NCAPD3: variants seen among roughly 807,000 people sequenced by gnomAD.
The protein encoded by NCAPD3 is non-SMC condensin II complex subunit D3, also known as condensin-2 complex subunit D3.
NCAPD3 carries 105 observed loss-of-function variants against 182.9 expected under a neutral mutation model. That is an observed-to-expected ratio of 0.57 (90% CI 0.49 to 0.68). The LOEUF (loss-of-function observed/expected upper bound fraction) is 0.68, where lower values mean the gene tolerates loss of function less well. NCAPD3 is among the 30% of genes least tolerant of loss of function. The pLI, the probability that NCAPD3 is intolerant of heterozygous loss-of-function variation, is 0.00. For missense variants in NCAPD3, 1,944 were observed against 1,837.0 expected, an observed-to-expected ratio of 1.06 and a Z score of -1.07; for synonymous variants, 815 against 679.9, an observed-to-expected ratio of 1.20 and a Z score of -3.09.
intron 27 of NCAPD3, among the ~76,000 whole-genome samples, chr11:134,163,395 T>C (rs111496942): frequency 6.6e-5 from 10 of 152,152 alleles, no homozygotes; most frequent in South Asian, 4.1e-4. Flanking sequence ...AATGATCAAA[T>C]TTGTACTTAA....
chr11:134,223,520 G>T, intron 1 of NCAPD3: 1 of 701,568 alleles, frequency 1.4e-6, no homozygotes, highest in Non-Finnish European at 2.6e-6. Flanking sequence ...TCTGGCGGAA[G>T]AAAGAGATTT....
intron 28 of NCAPD3, among the ~76,000 whole-genome samples, chr11:134,160,351 C>A (rs1274886753): frequency 6.6e-6 from 1 of 152,126 alleles, no homozygotes; most frequent in Non-Finnish European, 1.5e-5. Flanking sequence ...ACTGGCCACA[C>A]AAGCAGAAAA....
intron 18 of NCAPD3, 41 bp from the exon 19 acceptor site, chr11:134,184,793 A>T: frequency 1.3e-6 from 2 of 1,487,464 alleles, no homozygotes; most frequent in Non-Finnish European, 1.9e-6. Flanking sequence ...AACTGCTTAA[A>T]TATATTCAGG....
intron 32 of NCAPD3, among the ~76,000 whole-genome samples, chr11:134,156,184 G>C (rs946007949): frequency 3.3e-5 from 5 of 152,192 alleles, no homozygotes; most frequent in Non-Finnish European, 7.4e-5. Flanking sequence ...TGCCCTCCCA[G>C]AAGTCTCCGG....
intron 1 of NCAPD3, 136 bp from the exon 2 acceptor site, chr11:134,220,862 G>A: frequency 2.7e-6 from 2 of 749,730 alleles, no homozygotes; most frequent in East Asian, 2.7e-5. Context: ...TAATAACATA[G>A]GTGTAGCATA....
chr11:134,171,009 G>C (rs1943994755), intron 24 of NCAPD3, among the ~76,000 whole-genome samples: 1 of 152,154 alleles, frequency 6.6e-6, no homozygotes, highest in South Asian at 2.1e-4. Context: ...TGAAAAGTTA[G>C]GAGAAATTAA....
rs747566194 is a variant in NCAPD3 at position 134,184,971 on chromosome 11, C to T, written c.2267G>A (p.Gly756Glu). 2.4e-5 allele frequency: 39 copies of T among 1,613,770 alleles called. No homozygotes were observed. Among genetic ancestry groups the T allele is most frequent in the Non-Finnish European group, 3.3e-5 (39 of 1,179,774 alleles). Reference sequence around the variant, plus strand: ...ATGCCCAATCACACAGAGAATATGTCCTAAGGTGTTTGAATTGGGATTCTG... The same window carrying T: ...ATGCCCAATCACACAGAGAATATGTTCTAAGGTGTTTGAATTGGGATTCTG... The part of the protein sequence containing the change: ...SQQNPNSNTL[G>E]HILCVIGHIA... Residue 756 changes from glycine (G) to glutamate (E), a missense_variant, in exon 18 of 35, where the codon GGA becomes GAA. Around this residue, in one of 3 missense-constraint regions of NCAPD3, gnomAD observed 1,803 missense variants for 1,674.6 expected, o/e 1.08. Transcript: ENST00000534548.
At position 134,184,892 on chromosome 11, in the gene NCAPD3, C is replaced by G. The variant is rs759104638; in HGVS notation, c.2335+11G>C. 1.3e-4 allele frequency: 214 copies of G among 1,597,066 alleles called. No homozygotes were observed. Among genetic ancestry groups the G allele is most frequent in the Middle Eastern group, 1.0e-3 (6 of 6,028 alleles). On this transcript the variant is annotated intron_variant, in intron 18 of 34. Transcript: ENST00000534548. ...TGCATTTTCACATAAGATTCTCCAG[C>G]AGACACTCACCAGTCACTTTGTCCC...
chr11:134,211,017 T>C (rs1018790053), intron 3 of NCAPD3, among the ~76,000 whole-genome samples: 2 of 152,128 alleles, frequency 1.3e-5, no homozygotes, highest in African/African-American at 4.8e-5. Context: ...AGGGTAAAAT[T>C]CTAAGACAGA....
chr11:134,213,318 T>C (rs1937907446), intron 3 of NCAPD3, among the ~76,000 whole-genome samples: 1 of 151,514 alleles, frequency 6.6e-6, no homozygotes, highest in Non-Finnish European at 1.5e-5. Flanking sequence ...ACTGAGACCC[T>C]GGACCTCTCT....
chr11:134,158,228 A>G, intron 30 of NCAPD3, 101 bp downstream of exon 30: 1 of 1,541,420 alleles, frequency 6.5e-7, no homozygotes, highest in Non-Finnish European at 8.8e-7. Flanking sequence ...AGGCCAGACA[A>G]TGACAATGAC....
intron 12 of NCAPD3, 113 bp from the exon 13 acceptor site, chr11:134,203,018 C>T (rs898498413): frequency 1.7e-6 from 2 of 1,151,396 alleles, no homozygotes; most frequent in Non-Finnish European, 2.5e-6. Context: ...TGAATTTCAA[C>T]CTCTCTCATG....
intron 20 of NCAPD3, among the ~76,000 whole-genome samples, chr11:134,180,323 A>C (rs2135979650): frequency 6.6e-6 from 1 of 152,234 alleles, no homozygotes; most frequent in South Asian, 2.1e-4. Context: ...AACACAGAAA[A>C]GACGTGCTCC....
At chr11:134,154,386 T>TG (rs1943355249) in intron 32 of NCAPD3, among the ~76,000 whole-genome samples, 1 of 151,996 alleles carries the variant, frequency 6.6e-6, no homozygotes, top group Non-Finnish European at 1.5e-5. Flanking sequence ...CAGACTCACC[T>TG]GTTAGGCTCA....
In NCAPD3 at chr11:134,161,884, T is replaced by G; in HGVS notation, c.3581A>C (p.Lys1194Thr). Residue 1194 changes from lysine (K) to threonine (T), a missense_variant, in exon 28 of 35, where the codon AAG becomes ACG. Lys to Thr is a moderately conservative substitution (Grantham distance 78). This residue lies in a region of NCAPD3 where 1,803 missense variants were observed against 1,674.6 expected (regional missense o/e 1.08). Transcript: ENST00000534548. ...AATAATATTTTCTATGAAATTCCTC[T>G]TCTGAACCTGGTAACACAAACAAAG... ...AQKKLISQVQ[K>T]RNFIENIIPI... 1.3e-6 allele frequency: 2 copies of G among 1,509,632 alleles called. No individual in the cohort carries two copies. The highest frequency in any genetic ancestry group is 1.8e-6 in the Non-Finnish European group (2 of 1,097,348). The allele number at this position is 1,509,632 out of a possible 1,614,324, so 93.5% of individuals were successfully genotyped here.
Position 134,168,005 on chromosome 11 carries a change from G to C in NCAPD3, c.3564C>G (p.Leu1188=). Reference sequence around the variant, plus strand: ...GGAGCAACACACTCACTTGTGAGATGAGCTTCTTCTGAGCTTCCTGCATGA... The same window carrying C: ...GGAGCAACACACTCACTTGTGAGATCAGCTTCTTCTGAGCTTCCTGCATGA... ...NVVMQEAQKK[L]ISQVQKRNFI... is the part of the protein sequence containing the mutation. Residue 1188 remains leucine (L), a synonymous_variant, in exon 27 of 35, where the codon CTC becomes CTG. Transcript: ENST00000534548. 1 of 1,613,880 alleles carries C rather than the reference G, an allele frequency of 6.2e-7. No homozygotes were observed. Among genetic ancestry groups the C allele is most frequent in the Non-Finnish European group, 8.5e-7 (1 of 1,179,844 alleles).
At chr11:134,166,722 C>A (rs1322324209) in intron 27 of NCAPD3, among the ~76,000 whole-genome samples, 4 of 126,076 alleles carry the variant, frequency 3.2e-5, no homozygotes. Flanking sequence ...GAGAGCAGCA[C>A]ACTCACTTGT....
At chr11:134,169,941 G>C (rs144125704) in intron 24 of NCAPD3, among the ~76,000 whole-genome samples, 1 of 152,236 alleles carries the variant, frequency 6.6e-6, no homozygotes, top group Non-Finnish European at 1.5e-5. Context: ...GCACCAGTCA[G>C]CTCTCCTTGG....
chr11:134,200,885 T>TA (rs1397171480), intron 13 of NCAPD3, among the ~76,000 whole-genome samples: 4 of 152,206 alleles, frequency 2.6e-5, no homozygotes, highest in African/African-American at 7.2e-5. Flanking sequence ...AACTGACTAT[T>TA]ACTCAGCACA....
Sources: gnomAD v4.1 joint callset for allele counts (sites outside exome capture counted in the v4.1 genomes callset) on GRCh38, gnomAD v4.1.1 for gene constraint, gnomAD v4.1.1 regional missense constraint, MANE v1.5 for transcripts, NCBI Gene and HGNC (gene_info 2026-07-23, HGNC 2026-07-21) for gene names.